PACRG: variants seen among roughly 807,000 people sequenced by gnomAD.
PACRG encodes the protein parkin coregulated gene protein.
In PACRG, 29 loss-of-function variants were observed where a neutral mutation model predicts 29.7. The observed-to-expected ratio is 0.98, with a 90% CI of 0.73 to 1.33. The LOEUF is 1.33. Among genes scored for constraint, PACRG ranks in the 40% most tolerant of loss-of-function variants. The probability of loss-of-function intolerance (pLI) is 0.00; values close to 1 mark genes in which losing one functional copy is unlikely to be tolerated. For missense variants in PACRG, 279 were observed against 316.2 expected, an observed-to-expected ratio of 0.88 and a Z score of 0.89; for synonymous variants, 116 against 118.7, an observed-to-expected ratio of 0.98 and a Z score of 0.15.
chr6:163,055,174 G>T lies in PACRG; in HGVS notation c.292-6976G>T, dbSNP rs1297833423. On this transcript the variant is annotated intron_variant, in intron 2 of 4. Transcript: ENST00000366888. This position sits in a 1 kb window ranked among gnomAD's most constrained non-coding sequence, Gnocchi z 4.0. ...TTCTCTTGAAAAACTTTACTATGAA[G>T]AATAATGTGGAAATGGAGCGGGGAC... 1.3e-5 allele frequency among the ~76,000 whole-genome samples: 2 copies of T among 152,148 alleles called. No homozygotes were observed. Among genetic ancestry groups the T allele is most frequent in the Non-Finnish European group, 2.9e-5 (2 of 68,012 alleles).
intron 4 of PACRG, among the ~76,000 whole-genome samples, chr6:163,197,123 C>G (rs61181974): frequency 0.037 from 5,581 of 152,156 alleles, 311 homozygotes; most frequent in African/African-American, 0.12. Context: ...TTCAAGATAA[C>G]TTTTTTCTGC....
At chr6:163,015,081 C>G (rs1052285157) in intron 2 of PACRG, among the ~76,000 whole-genome samples, 3 of 152,096 alleles carry the variant, frequency 2.0e-5, no homozygotes, top group Non-Finnish European at 4.4e-5. Context: ...GCAAGCTATT[C>G]CAGCACTATT....
chr6:162,744,561 C>T (rs754522868), intron 1 of PACRG, among the ~76,000 whole-genome samples: 77 of 152,224 alleles, frequency 5.1e-4, no homozygotes, highest in South Asian at 1.2e-3. Flanking sequence ...TCACTGCACT[C>T]CAGCCTCAGT....
chr6:162,786,408 A>G (rs1784470206), intron 1 of PACRG, among the ~76,000 whole-genome samples: 1 of 152,198 alleles, frequency 6.6e-6, no homozygotes, highest in Non-Finnish European at 1.5e-5. Context: ...CCTCCCTTAC[A>G]GTTAGATATA....
chr6:162,978,360 G>A (rs1309666637), intron 2 of PACRG, among the ~76,000 whole-genome samples: 1 of 151,996 alleles, frequency 6.6e-6, no homozygotes, highest in African/African-American at 2.4e-5. Flanking sequence ...CAATGTGTAG[G>A]GTAACATGTA....
chr6:162,740,691 C>G (rs1309030392), intron 1 of PACRG, among the ~76,000 whole-genome samples: 1 of 151,580 alleles, frequency 6.6e-6, no homozygotes, highest in African/African-American at 2.4e-5. Context: ...CCTCTGCCCC[C>G]TGGGTTCAAG....
In PACRG at chr6:162,942,366, C is replaced by T. The variant is rs569496638; in HGVS notation, c.292-119784C>T. Among the ~76,000 whole-genome samples the T allele has an allele frequency of 5.3e-5, 8 of 152,192 alleles. No homozygotes were observed. In the South Asian group the frequency reaches 1.7e-3, roughly 32 times the overall value. ...ACTCAAATAACAAAGTTTATTAGACCTTTCTTTCTGTTTCATGCATCTCCT... is the reference window on the plus strand; with the variant it reads ...ACTCAAATAACAAAGTTTATTAGACTTTTCTTTCTGTTTCATGCATCTCCT... On this transcript the variant is annotated intron_variant, in intron 2 of 4. Transcript: ENST00000366888.
chr6:162,953,207 G>C (rs556275392), intron 2 of PACRG, among the ~76,000 whole-genome samples: 3 of 152,092 alleles, frequency 2.0e-5, no homozygotes, highest in African/African-American at 7.2e-5. Context: ...TGACTTTTAG[G>C]CTCTGTAGTC....
intron 2 of PACRG, among the ~76,000 whole-genome samples, chr6:162,956,672 C>T (rs373568731): frequency 1.3e-5 from 2 of 152,108 alleles, no homozygotes; most frequent in African/African-American, 2.4e-5. Context: ...CTCCTGCAGC[C>T]GCATGGCCTT....
At chr6:163,038,273 T>C (rs757994426) in intron 2 of PACRG, among the ~76,000 whole-genome samples, 3 of 152,200 alleles carry the variant, frequency 2.0e-5, no homozygotes, top group Admixed American at 6.5e-5. Flanking sequence ...ATGGAAAAAC[T>C]GGAGAAGTAC....
At chr6:163,291,706 T>C (rs1784617087) in intron 4 of PACRG, among the ~76,000 whole-genome samples, 1 of 152,232 alleles carries the variant, frequency 6.6e-6, no homozygotes, top group Non-Finnish European at 1.5e-5. Context: ...TGCTAGCGCT[T>C]AAAAGAAAGA....
At chr6:162,886,656 G>C (rs1280051818) in intron 2 of PACRG, among the ~76,000 whole-genome samples, 1 of 152,090 alleles carries the variant, frequency 6.6e-6, no homozygotes, top group Non-Finnish European at 1.5e-5. Flanking sequence ...GTTTTCTAAA[G>C]TTTTGACCAT....
intron 4 of PACRG, among the ~76,000 whole-genome samples, chr6:163,253,766 C>T (rs979167777): frequency 2.6e-5 from 4 of 152,212 alleles, no homozygotes; most frequent in Non-Finnish European, 4.4e-5. Flanking sequence ...CCAGGTGCCT[C>T]CTTGAGCCTG....
intron 4 of PACRG, among the ~76,000 whole-genome samples, chr6:163,128,593 G>T (rs568870525): frequency 6.6e-6 from 1 of 152,216 alleles, no homozygotes; most frequent in Non-Finnish European, 1.5e-5. Flanking sequence ...TTAGTGCAGT[G>T]ATACTCAGCC....
intron 4 of PACRG, among the ~76,000 whole-genome samples, chr6:163,265,417 C>T (rs1483489041): frequency 5.3e-5 from 8 of 152,076 alleles, no homozygotes; most frequent in African/African-American, 1.7e-4. Context: ...GGGCACTCTT[C>T]GGGCCCGTGG....
chr6:163,262,921 A>C (rs1234559365), intron 4 of PACRG, among the ~76,000 whole-genome samples: 1 of 145,972 alleles, frequency 6.9e-6, no homozygotes, highest in East Asian at 2.1e-4. Context: ...GTGGTGGCGC[A>C]TGCCCAGGTA....
chr6:163,256,832 C>T (rs6924465), intron 4 of PACRG, among the ~76,000 whole-genome samples: 1,628 of 152,292 alleles, frequency 0.011, 30 homozygotes, highest in African/African-American at 0.037. Context: ...AAGAAACAGA[C>T]ACTTATCCTC....
intron 4 of PACRG, among the ~76,000 whole-genome samples, chr6:163,306,189 T>TA (rs1357040535): frequency 1.3e-5 from 2 of 152,232 alleles, no homozygotes; most frequent in African/African-American, 4.8e-5. Context: ...AATGACATTA[T>TA]ATTGTTGTTA....
chr6:163,239,574 G>A (rs922144838), intron 4 of PACRG, among the ~76,000 whole-genome samples: 1 of 151,918 alleles, frequency 6.6e-6, no homozygotes, highest in African/African-American at 2.4e-5. Context: ...TGCAACCCCT[G>A]TCCTTCTTAA....
Sources: gnomAD v4.1 joint callset for allele counts (sites outside exome capture counted in the v4.1 genomes callset) on GRCh38, gnomAD v4.1.1 for gene constraint, Gnocchi (gnomAD v3.1) non-coding constraint, MANE v1.5 for transcripts, NCBI Gene and HGNC (gene_info 2026-07-23, HGNC 2026-07-21) for gene names.